Variants in ZRANB3 observed in about 807,000 individuals in gnomAD.
The protein encoded by ZRANB3 is DNA annealing helicase and endonuclease ZRANB3.
A neutral mutation model predicts 133.8 loss-of-function variants in ZRANB3; 125 were observed. The observed-to-expected ratio is 0.93, with a 90% CI of 0.81 to 1.08. The LOEUF is 1.08. Among genes scored for constraint, ZRANB3 ranks in the 50% least tolerant of loss-of-function variants. The pLI is 0.00. For missense variants in ZRANB3, 1,229 were observed against 1,275.5 expected (o/e 0.96, Z 0.56); for synonymous variants, 387 against 432.7 (o/e 0.89, Z 1.31).
intron 3 of ZRANB3, among the ~76,000 whole-genome samples, chr2:135,388,714 A>G (rs1341451146): frequency 6.6e-6 from 1 of 152,228 alleles, no homozygotes; most frequent in Non-Finnish European, 1.5e-5. Flanking sequence ...TTCAAGGACT[A>G]AAAACGTAAG....
chr2:135,250,584 G>A (rs1679343166), intron 12 of ZRANB3, among the ~76,000 whole-genome samples: 1 of 152,210 alleles, frequency 6.6e-6, no homozygotes, highest in African/African-American at 2.4e-5. Flanking sequence ...TTCAGCCTAG[G>A]GACTTGGTTC....
At chr2:135,247,358 G>GT (rs897215237) in intron 12 of ZRANB3, among the ~76,000 whole-genome samples, 20 of 150,166 alleles carry the variant, frequency 1.3e-4, no homozygotes, top group South Asian at 6.4e-4. Flanking sequence ...GAAATGACTG[G>GT]TTTTTTTTTC....
At chr2:135,338,775 A>G (rs1684489588) in intron 6 of ZRANB3, among the ~76,000 whole-genome samples, 1 of 152,164 alleles carries the variant, frequency 6.6e-6, no homozygotes. Flanking sequence ...CGCAATTTCA[A>G]TTTTGCATAC....
At chr2:135,476,490 C>T (rs182342082) in intron 2 of ZRANB3, among the ~76,000 whole-genome samples, 16 of 152,184 alleles carry the variant, frequency 1.1e-4, no homozygotes, top group Admixed American at 9.8e-4. Context: ...GATAACCACA[C>T]AAGGGGTTCT....
At chr2:135,404,254 A>T (rs886335427) in intron 2 of ZRANB3, among the ~76,000 whole-genome samples, 1 of 152,234 alleles carries the variant, frequency 6.6e-6, no homozygotes, top group Non-Finnish European at 1.5e-5. Flanking sequence ...AGAAGTCCTT[A>T]AAGGACCTGA....
chr2:135,206,499 C>T (rs1490370709), intron 19 of ZRANB3, among the ~76,000 whole-genome samples: 2 of 152,012 alleles, frequency 1.3e-5, no homozygotes, highest in Non-Finnish European at 2.9e-5. Context: ...CTTGGCCTCC[C>T]AAAGTGTTGG....
chr2:135,305,416 T>G (rs181984614), intron 8 of ZRANB3, among the ~76,000 whole-genome samples: 4 of 152,256 alleles, frequency 2.6e-5, no homozygotes, highest in Non-Finnish European at 5.9e-5. Flanking sequence ...AGGCAGCATA[T>G]AGTTGGGTGA....
rs182903900 is a variant in ZRANB3 at position 135,406,128 on chromosome 2, G to A, written c.162-15308C>T. On this transcript the variant is annotated intron_variant, in intron 2 of 20. Coordinates refer to ENST00000264159, the MANE Select transcript of ZRANB3 (RefSeq NM_032143.4). ...GAATCAAATAGACGCAATAAAAAATGACGAAGGGGATATCACCACCGATCC... is the reference window on the plus strand; with the variant it reads ...GAATCAAATAGACGCAATAAAAAATAACGAAGGGGATATCACCACCGATCC... Among the ~76,000 whole-genome samples, 571 of 152,216 alleles carry A rather than the reference G, an allele frequency of 3.8e-3. 3 individuals are homozygous for A. The highest frequency in any genetic ancestry group is 0.01 in the Middle Eastern group (3 of 292).
At chr2:135,467,171 G>A (rs1691036668) in intron 2 of ZRANB3, among the ~76,000 whole-genome samples, 2 of 152,064 alleles carry the variant, frequency 1.3e-5, no homozygotes, top group Admixed American at 1.3e-4. Flanking sequence ...CCAGGCTTGA[G>A]TGGCTTTCAT....
At chr2:135,465,498 A>G (rs977434396) in intron 2 of ZRANB3, among the ~76,000 whole-genome samples, 3 of 152,240 alleles carry the variant, frequency 2.0e-5, no homozygotes, top group African/African-American at 4.8e-5. Flanking sequence ...CAAAAGTACA[A>G]GTCTAAGTTA....
chr2:135,436,098 G>C lies in ZRANB3; in HGVS notation c.162-45278C>G, dbSNP rs531444127. ...ATTGTACTGCCTAGATTGTCTTCCA[G>C]GCTTTTTATAGTTTTGGGTTTTACA... On this transcript the variant is annotated intron_variant, in intron 2 of 20. Coordinates refer to ENST00000264159, the MANE Select transcript of ZRANB3 (RefSeq NM_032143.4). 2.6e-5 allele frequency among the ~76,000 whole-genome samples: 4 copies of C among 152,232 alleles called. No homozygotes were observed. In the South Asian group the frequency reaches 8.3e-4, roughly 32 times the overall value.
intron 2 of ZRANB3, among the ~76,000 whole-genome samples, chr2:135,432,787 G>T (rs1689377108): frequency 3.3e-5 from 5 of 152,184 alleles, no homozygotes; most frequent in Admixed American, 3.3e-4. Context: ...ACAACAAAAA[G>T]TTAGGAGTTG....
At chr2:135,325,604 C>A (rs1422082513) in intron 6 of ZRANB3, among the ~76,000 whole-genome samples, 1 of 152,112 alleles carries the variant, frequency 6.6e-6, no homozygotes, top group Non-Finnish European at 1.5e-5. Flanking sequence ...ACCATGTTAG[C>A]CAGGACGGTC....
chr2:135,430,546 A>C, intron 2 of ZRANB3, among the ~76,000 whole-genome samples: 1 of 152,166 alleles, frequency 6.6e-6, no homozygotes, highest in Middle Eastern at 3.2e-3. Context: ...TGTCAGATAA[A>C]ATAGGAAGTA....
intron 1 of ZRANB3, among the ~76,000 whole-genome samples, chr2:135,517,829 G>A (rs1192727018): frequency 6.6e-6 from 1 of 152,176 alleles, no homozygotes; most frequent in Non-Finnish European, 1.5e-5. Context: ...CCAACAGGCA[G>A]GAACATTTAA....
intron 3 of ZRANB3, among the ~76,000 whole-genome samples, chr2:135,363,694 C>A (rs535273263): frequency 2.6e-5 from 4 of 152,232 alleles, no homozygotes; most frequent in East Asian, 3.9e-4. Context: ...GGAAAAAGTC[C>A]AATCTCCCAG....
intron 1 of ZRANB3, chr2:135,510,638 C>T (rs188939600): frequency 2.9e-5 from 23 of 790,798 alleles, no homozygotes; most frequent in East Asian, 2.2e-4. Flanking sequence ...CCACCCAGCC[C>T]ACATAGAGGG....
chr2:135,322,635 T>C (rs1436725843), intron 6 of ZRANB3, among the ~76,000 whole-genome samples: 1 of 152,098 alleles, frequency 6.6e-6, no homozygotes, highest in Non-Finnish European at 1.5e-5. Context: ...GGAGGATTGC[T>C]TGAGCCCAGG....
chr2:135,204,655 A>ATG, intron 19 of ZRANB3, among the ~76,000 whole-genome samples: 1 of 138,050 alleles, frequency 7.2e-6, no homozygotes, highest in African/African-American at 3.0e-5. Flanking sequence ...AAAAAAATAT[A>ATG]TATATATACA....
Sources: gnomAD v4.1 joint callset for allele counts (sites outside exome capture counted in the v4.1 genomes callset) on GRCh38, gnomAD v4.1.1 for gene constraint, MANE v1.5 for transcripts, NCBI Gene and HGNC (gene_info 2026-07-23, HGNC 2026-07-21) for gene names.